ERCC3: variants seen among roughly 807,000 people sequenced by gnomAD.
The protein encoded by ERCC3 is ERCC excision repair 3, TFIIH core complex helicase subunit.
In ERCC3, 66 loss-of-function variants were observed where a neutral mutation model predicts 94.2. The observed-to-expected ratio is 0.70, with a 90% CI of 0.57 to 0.86. ERCC3 has a LOEUF of 0.86. Ranked by LOEUF, ERCC3 falls within the 40% of genes least tolerant of loss-of-function variation. ERCC3 has a pLI of 0.00. For synonymous variants in ERCC3, 349 were observed against 369.1 expected (o/e 0.95, Z 0.63); for missense variants, 829 against 987.1 (o/e 0.84, Z 2.15).
rs191300330 is a variant in ERCC3 at position 127,287,486 on chromosome 2, T to G, written c.1028-469A>C. The stretch of plus-strand genomic sequence containing the variant: ...TATCTTTACTAAAAATACAAAAAAT[T>G]AGCCGGGCATGGTGGCGGGCGCCTA... On this transcript the variant is annotated intron_variant, in intron 7 of 14. Coordinates refer to ENST00000285398, the MANE Select transcript of ERCC3 (RefSeq NM_000122.2). 2.3e-3 allele frequency among the ~76,000 whole-genome samples: 353 copies of G among 152,030 alleles called. 1 individual carries two copies. The highest frequency in any genetic ancestry group is 7.7e-3 in the African/African-American group (320 of 41,468).
At chr2:127,273,908 A>G (rs1360525436) in intron 10 of ERCC3, among the ~76,000 whole-genome samples, 1 of 152,078 alleles carries the variant, frequency 6.6e-6, no homozygotes, top group African/African-American at 2.4e-5. Flanking sequence ...TAGCTTCCCA[A>G]GAATCATAAC....
chr2:127,281,834 T>C (rs1293991107), intron 8 of ERCC3, among the ~76,000 whole-genome samples: 1 of 152,054 alleles, frequency 6.6e-6, no homozygotes, highest in Non-Finnish European at 1.5e-5. Context: ...GGAAAGACTG[T>C]GCTGGCTCCA....
chr2:127,262,772 G>A (rs1351196784), intron 12 of ERCC3: 2 of 152,100 alleles, frequency 1.3e-5, no homozygotes, highest in East Asian at 1.9e-4. Context: ...GGTTTTCTTC[G>A]AGGATCCTTA....
chr2:127,270,836 C>T (rs141308968), intron 12 of ERCC3, among the ~76,000 whole-genome samples: 189 of 152,354 alleles, frequency 1.2e-3, no homozygotes, highest in Non-Finnish European at 2.3e-3. Context: ...CACCTCCTCA[C>T]TCACTGAGCT....
intron 3 of ERCC3, chr2:127,292,408 G>T (rs1685302162): frequency 1.5e-6 from 1 of 647,856 alleles, no homozygotes; most frequent in African/African-American, 1.9e-5. Flanking sequence ...CCAGAGTGTA[G>T]CGGCTCATGA....
In ERCC3 at chr2:127,293,716, T is replaced by A; in HGVS notation, c.31A>T (p.Lys11Ter). Residue 11 changes from lysine to a stop codon, truncating the protein, a stop_gained and splice_region_variant, in exon 2 of 15, where the codon AAG (lysine) becomes TAG (stop). Coordinates refer to ENST00000285398, the MANE Select transcript of ERCC3 (RefSeq NM_000122.2). LOFTEE classifies it high-confidence loss of function. MGKRDRADRD[K>*]KKSRKRHYED... The stretch of plus-strand genomic sequence containing the variant: ...TAGTGCCGCTTCCTGGATTTCTTCT[T>A]GTCTGCAAGATACCAACACAGAAGT... The A allele has an allele frequency of 6.2e-7, 1 of 1,611,700 alleles. No individual in the cohort carries two copies. The highest frequency in any genetic ancestry group is 8.5e-7 in the Non-Finnish European group (1 of 1,180,010).
intron 12 of ERCC3, chr2:127,262,657 G>C (rs1684230488): frequency 6.6e-6 from 1 of 152,244 alleles, no homozygotes; most frequent in African/African-American, 2.4e-5. Flanking sequence ...GAGGAAATTA[G>C]GAGTGGCTGT....
intron 10 of ERCC3, among the ~76,000 whole-genome samples, chr2:127,276,857 A>G (rs1409045368): frequency 1.3e-5 from 2 of 152,230 alleles, no homozygotes; most frequent in African/African-American, 4.8e-5. Flanking sequence ...CACAGCCACC[A>G]CAGCAGACAA....
At position 127,259,581 on chromosome 2, in the gene ERCC3, A is replaced by G; in HGVS notation, c.2065-133T>C. ...GCCACCCTGGTGGCCAACAATGGAG[A>G]GCTCCTCCCTAGCATTCCAGAGACC... On this transcript the variant is annotated intron_variant, in intron 13 of 14. Coordinates refer to ENST00000285398, the MANE Select transcript of ERCC3 (RefSeq NM_000122.2). The surrounding 1 kb of genome is among the most constrained non-coding windows in gnomAD (Gnocchi z 4.9). 4.4e-6 allele frequency: 5 copies of G among 1,137,168 alleles called. No homozygotes were observed. The South Asian group carries it at 6.2e-5, about 14-fold the overall frequency. 70.4% of individuals were successfully genotyped at this position (1,137,168 alleles called of 1,614,324 possible). A position where few individuals can be genotyped will look rare whatever the true frequency, so the allele number is the denominator to read the frequency against.
intron 13 of ERCC3, 43 bp downstream of exon 13, chr2:127,261,185 A>C (rs781275750): frequency 1.8e-6 from 2 of 1,138,826 alleles, no homozygotes; most frequent in South Asian, 1.2e-5. Context: ...GGTATCAAGA[A>C]GGCCTTGGTC....
At position 127,290,095 on chromosome 2, in the gene ERCC3, T is replaced by C. The variant is rs1558963276; in HGVS notation, c.521+129A>G. 12 of 849,610 alleles carry C rather than the reference T, an allele frequency of 1.4e-5. No homozygotes were observed. The East Asian group carries it at 3.0e-4, about 21-fold the overall frequency. The allele number at this position is 849,610 out of a possible 1,614,324, so 52.6% of individuals were successfully genotyped here. A position where few individuals can be genotyped will look rare whatever the true frequency, so the allele number is the denominator to read the frequency against. ...TTCCAGTCTGGGCCACATCTCTTGT[T>C]TCTCTTCTCTTATCTGTGCTTCACA... is the stretch of plus-strand genomic sequence containing the variant. On this transcript the variant is annotated intron_variant, in intron 4 of 14. Transcript: ENST00000285398.
In ERCC3 at chr2:127,259,928, T is replaced by G; in HGVS notation, c.2065-480A>C. 4.2e-6 allele frequency: 1 copy of G among 237,972 alleles called. No individual in the cohort carries two copies. Among genetic ancestry groups the G allele is most frequent in the South Asian group, 5.9e-5 (1 of 16,892 alleles). The allele number at this position is 237,972 out of a possible 1,614,324, so 14.7% of individuals were successfully genotyped here. A position where few individuals can be genotyped will look rare whatever the true frequency, so the allele number is the denominator to read the frequency against. ...GAAAATGATAGGATATCAGGAAGAT[T>G]ATTTATAGAGCTTCTCTGAGAGAGT... On this transcript the variant is annotated intron_variant, in intron 13 of 14. Transcript: ENST00000285398. The surrounding 1 kb of genome is among the most constrained non-coding windows in gnomAD (Gnocchi z 4.9).
Position 127,257,299 on chromosome 2 carries a change from A to G in ERCC3, c.*297T>C, listed in dbSNP as rs1303947157. 1 of 465,264 alleles carries G rather than the reference A, an allele frequency of 2.1e-6. No homozygotes were observed. Among genetic ancestry groups the G allele is most frequent in the Non-Finnish European group, 4.1e-6 (1 of 242,852 alleles). The allele number at this position is 465,264 out of a possible 1,614,324, so 28.8% of individuals were successfully genotyped here. Reference sequence around the variant, plus strand: ...CACTTGTACAATGAAGACTGGTTCAATGGTCCATTCTGTTTATTCAGAACG... The same window carrying G: ...CACTTGTACAATGAAGACTGGTTCAGTGGTCCATTCTGTTTATTCAGAACG... On this transcript the variant is annotated 3_prime_UTR_variant, in exon 15 of 15. Coordinates refer to ENST00000285398, the MANE Select transcript of ERCC3 (RefSeq NM_000122.2). This position sits in a 1 kb window ranked among gnomAD's most constrained non-coding sequence, Gnocchi z 5.4.
chr2:127,281,708 T>C (rs1161160146), intron 8 of ERCC3, among the ~76,000 whole-genome samples: 2 of 152,124 alleles, frequency 1.3e-5, no homozygotes, highest in Non-Finnish European at 2.9e-5. Context: ...TCTAAGTAAA[T>C]GTTTAGTTTT....
rs1165306956 is a variant in ERCC3 at position 127,280,605 on chromosome 2, T to C, written c.1369A>G (p.Ile457Val). The change falls in exon 9 of 15, where the codon ATC becomes GTC. Residue 457 changes from isoleucine to valine, a missense_variant. Coordinates refer to ENST00000285398, the MANE Select transcript of ERCC3 (RefSeq NM_000122.2). This position sits in a 1 kb window ranked among gnomAD's most constrained non-coding sequence, Gnocchi z 6.3. ...CCCAGCTTACAGTGGGCCTGCACGA[T>C]GGTGAGCACCCTTCGGAACATCTTG... ...PAKMFRRVLT[I>V]VQAHCKLGLT... 22 of 1,614,096 alleles carry C rather than the reference T, an allele frequency of 1.4e-5. No individual in the cohort carries two copies. Among genetic ancestry groups the C allele is most frequent in the Non-Finnish European group, 1.9e-5 (22 of 1,180,042 alleles).
In ERCC3 at chr2:127,279,382, TACAGTAAGA is replaced by T. The variant is rs763521669; in HGVS notation, c.1528-16_1528-8del. 1.1e-5 allele frequency: 18 copies of T among 1,604,554 alleles called. No individual in the cohort carries two copies. The highest frequency in any genetic ancestry group is 1.4e-5 in the Non-Finnish European group (16 of 1,171,406). On this transcript the variant is annotated splice_region_variant and splice_polypyrimidine_tract_variant and intron_variant, in intron 9 of 14. Coordinates refer to ENST00000285398, the MANE Select transcript of ERCC3 (RefSeq NM_000122.2). This position sits in a 1 kb window ranked among gnomAD's most constrained non-coding sequence, Gnocchi z 4.7. ...GAGACATAGGGCACCAGACCTGTAA[TACAGTAAGA>T]ACCAGGGGTCATTTTACAAGTTTAA...
chr2:127,293,463 C>T (rs747244698), intron 2 of ERCC3, 50 bp downstream of exon 2: 1 of 1,546,686 alleles, frequency 6.5e-7, no homozygotes, highest in South Asian at 1.1e-5. Flanking sequence ...CAAGATTTAG[C>T]TGCCGCTCCG....
chr2:127,257,856 C>T lies in ERCC3; in HGVS notation c.2218-129G>A. 2 of 1,077,656 alleles carry T rather than the reference C, an allele frequency of 1.9e-6. No individual in the cohort carries two copies. The highest frequency in any genetic ancestry group is 1.3e-5 in the South Asian group (1 of 74,650). The allele number at this position is 1,077,656 out of a possible 1,614,324, so 66.8% of individuals were successfully genotyped here. On this transcript the variant is annotated intron_variant, in intron 14 of 14. Transcript: ENST00000285398. The surrounding 1 kb of genome is among the most constrained non-coding windows in gnomAD (Gnocchi z 5.4). ...AATACATCATTTTTAATAATGTTTA[C>T]AGATCGCTTACTGTCTCAGGCATTG...
At chr2:127,290,382 T>C (rs1019784421) in intron 3 of ERCC3, 109 bp from the exon 4 acceptor site, 11 of 942,278 alleles carry the variant, frequency 1.2e-5, no homozygotes, top group African/African-American at 9.6e-5. Context: ...CATTTTACTT[T>C]AGGGAAACCC....
Sources: gnomAD v4.1 joint callset for allele counts (sites outside exome capture counted in the v4.1 genomes callset) on GRCh38, gnomAD v4.1.1 for gene constraint, Gnocchi (gnomAD v3.1) non-coding constraint, MANE v1.5 for transcripts, NCBI Gene and HGNC (gene_info 2026-07-23, HGNC 2026-07-21) for gene names.